The following NCAM2 variants were observed in gnomAD, a reference collection of about 807,000 sequenced individuals.
The protein encoded by NCAM2 is N-CAM-2.
NCAM2 carries 30 observed loss-of-function variants against 98.1 expected under a neutral mutation model. That is an observed-to-expected ratio of 0.31 (90% confidence interval 0.23 to 0.41). The LOEUF (loss-of-function observed/expected upper bound fraction) is 0.41. Among genes scored for constraint, NCAM2 ranks in the 10% least tolerant of loss-of-function variants. The pLI, the probability that NCAM2 is intolerant of heterozygous loss-of-function variation, is 1.00. For synonymous variants in NCAM2, 368 were observed against 342.4 expected (o/e 1.07, Z -0.83); for missense variants, 867 against 1,005.8 (o/e 0.86, Z 1.87).
intron 15 of NCAM2, among the ~76,000 whole-genome samples, chr21:21,507,555 A>G (rs1041511453): frequency 6.6e-6 from 1 of 152,104 alleles, no homozygotes; most frequent in Non-Finnish European, 1.5e-5. Flanking sequence ...GCACTTTGGG[A>G]GGCCAAGGCG....
Position 21,491,842 on chromosome 21 carries a change from T to C in NCAM2, c.2077+14371T>C, listed in dbSNP as rs148582748. On this transcript the variant is annotated intron_variant, in intron 15 of 17. Coordinates refer to ENST00000400546, the MANE Select transcript of NCAM2 (RefSeq NM_004540.5). ...AATTTTAATGCATTTATAAGTCTTA[T>C]ATATTGTAATACTTATACTTCTTTT... Among the ~76,000 whole-genome samples the C allele has an allele frequency of 2.4e-3, 367 of 151,712 alleles. 1 individual carries two copies. The highest frequency in any genetic ancestry group is 0.014 in the Middle Eastern group (4 of 290).
At chr21:21,253,615 T>C (rs566810274) in intron 1 of NCAM2, among the ~76,000 whole-genome samples, 53 of 152,306 alleles carry the variant, frequency 3.5e-4, no homozygotes, top group African/African-American at 1.3e-3. Context: ...GCCTTCAAAA[T>C]AGTAAGAAAT....
In NCAM2 at chr21:21,543,277, A is replaced by G. The variant is rs1990306567; in HGVS notation, c.*5320A>G. ...GAAAGTATGGCTTACAGTATATCAA[A>G]CTTGTCACACTTCACCATTTGTATA... On this transcript the variant is annotated 3_prime_UTR_variant, in exon 18 of 18. Transcript: ENST00000400546. The G allele has an allele frequency of 6.6e-6, 1 of 151,910 alleles. No homozygotes were observed. The highest frequency in any genetic ancestry group is 2.1e-4 in the South Asian group (1 of 4,828). 9.4% of individuals were successfully genotyped at this position (151,910 alleles called of 1,614,324 possible).
At chr21:21,264,510 A>C (rs2072049425) in intron 1 of NCAM2, among the ~76,000 whole-genome samples, 1 of 151,948 alleles carries the variant, frequency 6.6e-6, no homozygotes, top group Non-Finnish European at 1.5e-5. Context: ...TAAGCAAAGG[A>C]AAACAAATCA....
At chr21:21,518,187 C>T (rs1421202503) in intron 16 of NCAM2, among the ~76,000 whole-genome samples, 3 of 152,104 alleles carry the variant, frequency 2.0e-5, no homozygotes, top group South Asian at 4.1e-4. Context: ...ATTTTTTTTA[C>T]ATCACCAAGC....
At chr21:21,180,200 A>G (rs2068425136) in intron 1 of NCAM2, among the ~76,000 whole-genome samples, 1 of 152,172 alleles carries the variant, frequency 6.6e-6, no homozygotes, top group African/African-American at 2.4e-5. Flanking sequence ...CCAGACCTCA[A>G]AGTTACACAG....
chr21:21,124,605 T>C (rs1310196457), intron 1 of NCAM2, among the ~76,000 whole-genome samples: 1 of 152,212 alleles, frequency 6.6e-6, no homozygotes, highest in African/African-American at 2.4e-5. Context: ...CAAAACTCAT[T>C]GTGTTCAGTT....
intron 1 of NCAM2, among the ~76,000 whole-genome samples, chr21:21,137,057 G>A (rs947326385): frequency 1.3e-5 from 2 of 152,058 alleles, no homozygotes; most frequent in African/African-American, 4.8e-5. Flanking sequence ...TGTTGGCCAG[G>A]CTGTTCAGGG....
intron 8 of NCAM2, among the ~76,000 whole-genome samples, chr21:21,351,248 ATTTAT>A (rs1175812248): frequency 2.0e-5 from 3 of 151,850 alleles, no homozygotes; most frequent in Admixed American, 1.3e-4. Context: ...TTTCTAGGCA[ATTTAT>A]TTTAGTGATA....
intron 1 of NCAM2, among the ~76,000 whole-genome samples, chr21:21,244,329 A>G (rs2071180779): frequency 6.6e-6 from 1 of 152,216 alleles, no homozygotes. Context: ...TTTATTTAGT[A>G]TAAATTTGAT....
chr21:21,051,427 G>C (rs1014689125), intron 1 of NCAM2, among the ~76,000 whole-genome samples: 54 of 152,272 alleles, frequency 3.5e-4, no homozygotes, highest in African/African-American at 1.3e-3. Context: ...AACCCAGTCT[G>C]GGATACTCAC....
chr21:21,024,633 T>C (rs2064504309), intron 1 of NCAM2, among the ~76,000 whole-genome samples: 3 of 152,104 alleles, frequency 2.0e-5, no homozygotes, highest in Non-Finnish European at 4.4e-5. Context: ...TCCTAGCACT[T>C]TGGGAGGCCG....
At chr21:21,434,102 T>A (rs1610116) in intron 12 of NCAM2, among the ~76,000 whole-genome samples, 1 of 152,316 alleles carries the variant, frequency 6.6e-6, no homozygotes, top group South Asian at 2.1e-4. Flanking sequence ...CATTTTATCT[T>A]ACCTGTCCAT....
rs557435600 is a variant in NCAM2, at chr21:21,217,435, T to C, written c.56-63143T>C. ...ATATTTGGGTATACATTTTTATTTCTCAGATTTACTTAATTATGTCTCTGT... is the reference window on the plus strand; with the variant it reads ...ATATTTGGGTATACATTTTTATTTCCCAGATTTACTTAATTATGTCTCTGT... On this transcript the variant is annotated intron_variant, in intron 1 of 17. Transcript: ENST00000400546. 4.6e-5 allele frequency among the ~76,000 whole-genome samples: 7 copies of C among 152,272 alleles called. No homozygotes were observed. In the South Asian group the frequency reaches 6.2e-4, roughly 14 times the overall value.
intron 5 of NCAM2, among the ~76,000 whole-genome samples, chr21:21,314,121 A>T (rs2074143148): frequency 1.3e-5 from 2 of 152,062 alleles, no homozygotes; most frequent in African/African-American, 2.4e-5. Context: ...TTTGTAACTC[A>T]CGTTTTATTT....
At chr21:20,998,838 G>A (rs1489477414) in intron 1 of NCAM2, among the ~76,000 whole-genome samples, 1 of 152,140 alleles carries the variant, frequency 6.6e-6, no homozygotes, top group Non-Finnish European at 1.5e-5. Context: ...CAGAATTGGA[G>A]AGGGGAATCG....
intron 8 of NCAM2, among the ~76,000 whole-genome samples, chr21:21,339,033 C>T (rs540867798): frequency 9.9e-5 from 15 of 152,168 alleles, no homozygotes; most frequent in Admixed American, 6.6e-5. Context: ...GAGTGATGAG[C>T]GTTGGGATTG....
intron 1 of NCAM2, among the ~76,000 whole-genome samples, chr21:21,219,039 C>T (rs2070026481): frequency 6.6e-6 from 1 of 152,216 alleles, no homozygotes. Context: ...GTGAAACAAG[C>T]TTGTGTTGTT....
intron 5 of NCAM2, among the ~76,000 whole-genome samples, chr21:21,300,404 T>A (rs1451564346): frequency 3.3e-5 from 5 of 152,172 alleles, no homozygotes; most frequent in Admixed American, 2.6e-4. Context: ...AGAAAATGAC[T>A]TTGGAGGTTG....
Sources: gnomAD v4.1 joint callset for allele counts (sites outside exome capture counted in the v4.1 genomes callset) on GRCh38, gnomAD v4.1.1 for gene constraint, MANE v1.5 for transcripts, NCBI Gene and HGNC (gene_info 2026-07-23, HGNC 2026-07-21) for gene names.